Variants in CAPZA1 observed in about 807,000 individuals in gnomAD.
The protein encoded by CAPZA1 is capping actin protein of muscle Z-line subunit alpha 1.
A neutral mutation model predicts 40.8 loss-of-function variants in CAPZA1; 10 were observed. The ratio of observed to expected loss-of-function variants is 0.25; its 90% CI spans 0.15 to 0.42. The LOEUF (loss-of-function observed/expected upper bound fraction) is 0.42. Ranked by LOEUF, CAPZA1 falls within the 10% of genes least tolerant of loss-of-function variation. The pLI, the probability that CAPZA1 is intolerant of heterozygous loss-of-function variation, is 1.00. For missense variants in CAPZA1, 277 were observed against 353.8 expected (o/e 0.78, Z 1.74); for synonymous variants, 98 against 115.0 (o/e 0.85, Z 0.95).
chr1:112,642,059 GTAA>G (rs1671178995), intron 1 of CAPZA1, among the ~76,000 whole-genome samples: 1 of 151,856 alleles, frequency 6.6e-6, no homozygotes, highest in African/African-American at 2.4e-5. Context: ...TGCAAGTCTT[GTAA>G]ACTCCTGCGT....
intron 1 of CAPZA1, among the ~76,000 whole-genome samples, chr1:112,635,969 C>T (rs1434163635): frequency 6.6e-6 from 1 of 152,142 alleles, no homozygotes; most frequent in Non-Finnish European, 1.5e-5. Context: ...GCGGAGGTTG[C>T]AGTGAGCTGA....
chr1:112,632,122 T>C (rs1322827691), intron 1 of CAPZA1, among the ~76,000 whole-genome samples: 4 of 152,104 alleles, frequency 2.6e-5, no homozygotes, highest in African/African-American at 9.7e-5. Context: ...CTGGCCAACA[T>C]GGTGAAACCC....
intron 5 of CAPZA1, among the ~76,000 whole-genome samples, chr1:112,658,719 CT>C (rs1557736392): frequency 2.0e-5 from 3 of 152,156 alleles, no homozygotes; most frequent in African/African-American, 7.2e-5. Context: ...CCTGTCTTGC[CT>C]TTATTTTCAG....
At chr1:112,621,050 G>A (rs897986377) in intron 1 of CAPZA1, among the ~76,000 whole-genome samples, 5 of 152,156 alleles carry the variant, frequency 3.3e-5, no homozygotes, top group African/African-American at 4.8e-5. Context: ...TCCTCTGTAC[G>A]GAATAACTTG....
chr1:112,634,667 C>T (rs1410143762), intron 1 of CAPZA1: 6 of 152,086 alleles, frequency 3.9e-5, no homozygotes, highest in Non-Finnish European at 7.4e-5. Context: ...AAGATTTGAC[C>T]ATATATTGTC....
chr1:112,634,788 A>G (rs747959229), intron 1 of CAPZA1: 2 of 152,218 alleles, frequency 1.3e-5, no homozygotes, highest in Non-Finnish European at 2.9e-5. Flanking sequence ...ACAACTCCCA[A>G]CAATTTTTAA....
intron 5 of CAPZA1, among the ~76,000 whole-genome samples, chr1:112,655,201 T>C (rs1244028386): frequency 6.6e-6 from 1 of 152,202 alleles, no homozygotes; most frequent in Non-Finnish European, 1.5e-5. Flanking sequence ...AACAATTGGC[T>C]GGACATGGTG....
rs199782772 is a variant in CAPZA1, at chr1:112,670,366, T to TC, written c.*234_*235insC. On this transcript the variant is annotated 3_prime_UTR_variant, in exon 10 of 10. Transcript: ENST00000263168. ...TCTACGTGTAAATCTTTTTTTCTTT[T>TC]TTTTTTTTTTTTTTTGGTTAATTCT... 5.9e-4 allele frequency: 228 copies of TC among 385,878 alleles called. No individual in the cohort carries two copies. The highest frequency in any genetic ancestry group is 5.8e-3 in the East Asian group (118 of 20,448). The allele number at this position is 385,878 out of a possible 1,614,324, so 23.9% of individuals were successfully genotyped here.
chr1:112,668,277 AAAAGAAAG>A (rs959720768), intron 8 of CAPZA1, among the ~76,000 whole-genome samples: 2 of 152,280 alleles, frequency 1.3e-5, no homozygotes, highest in South Asian at 4.1e-4. Context: ...CCCTGTCTCA[AAAAGAAAG>A]AAAGAAAGAA....
rs375996648 is a variant in CAPZA1, at chr1:112,671,309, A to G, written c.*1177A>G. ...TATGACAACTGGTAATGGTGGATTCATTTACATTGTTTACACTTCTATGAC... is the reference window on the plus strand; with the variant it reads ...TATGACAACTGGTAATGGTGGATTCGTTTACATTGTTTACACTTCTATGAC... On this transcript the variant is annotated 3_prime_UTR_variant, in exon 10 of 10. Transcript: ENST00000263168. 13 of 152,742 alleles carry G rather than the reference A, an allele frequency of 8.5e-5. No individual in the cohort carries two copies. Among genetic ancestry groups the G allele is most frequent in the African/African-American group, 3.1e-4 (13 of 41,568 alleles). 9.5% of individuals were successfully genotyped at this position (152,742 alleles called of 1,614,324 possible).
chr1:112,638,852 G>A (rs967667136), intron 1 of CAPZA1, among the ~76,000 whole-genome samples: 7 of 149,574 alleles, frequency 4.7e-5, no homozygotes, highest in African/African-American at 7.5e-5. Flanking sequence ...GCAGTGAGCC[G>A]AGATCATGCC....
At chr1:112,641,449 A>T (rs1220504713) in intron 1 of CAPZA1, among the ~76,000 whole-genome samples, 3 of 152,212 alleles carry the variant, frequency 2.0e-5, no homozygotes, top group Non-Finnish European at 2.9e-5. Flanking sequence ...TTTTCATTCA[A>T]CAGCACATTA....
chr1:112,639,832 T>C (rs1671098788), intron 1 of CAPZA1, among the ~76,000 whole-genome samples: 1 of 132,862 alleles, frequency 7.5e-6, no homozygotes, highest in Admixed American at 7.5e-5. Context: ...GGAGCCCCTC[T>C]GCCCGGCCAG....
chr1:112,644,155 G>T (rs190435990), intron 1 of CAPZA1, among the ~76,000 whole-genome samples: 7 of 90,356 alleles, frequency 7.7e-5, no homozygotes, highest in South Asian at 4.3e-4. Context: ...CAAATTGCTG[G>T]GTTTTTTTTT....
At chr1:112,628,060 T>C (rs1249894905) in intron 1 of CAPZA1, among the ~76,000 whole-genome samples, 1 of 152,160 alleles carries the variant, frequency 6.6e-6, no homozygotes, top group Non-Finnish European at 1.5e-5. Flanking sequence ...AAAACATGGC[T>C]CTAGAAATTT....
intron 1 of CAPZA1, among the ~76,000 whole-genome samples, chr1:112,642,180 G>A (rs1311779371): frequency 7.3e-6 from 1 of 137,136 alleles, no homozygotes; most frequent in East Asian, 2.4e-4. Context: ...AAACATCACA[G>A]CCTCTGAAGA....
rs1570716414 is a variant in CAPZA1 at position 112,649,696 on chromosome 1, A to G, written c.155+227A>G. 4 of 533,486 alleles carry G rather than the reference A, an allele frequency of 7.5e-6. No individual in the cohort carries two copies. In the East Asian group the frequency reaches 1.3e-4, roughly 17 times the overall value. 33.0% of individuals were successfully genotyped at this position (533,486 alleles called of 1,614,324 possible). On this transcript the variant is annotated intron_variant, in intron 3 of 9. Transcript: ENST00000263168. The stretch of plus-strand genomic sequence containing the variant: ...TGAACTAGTTTTTATTTCTGCCCAC[A>G]TTTGCCCGATTAAAGCAGAGTTTAA...
At chr1:112,649,678 G>T in intron 3 of CAPZA1, 2 of 537,262 alleles carry the variant, frequency 3.7e-6, no homozygotes, top group Admixed American at 3.8e-5. Context: ...ATATGAACTA[G>T]TTTTTATTTC....
At chr1:112,645,650 CA>C (rs1392834163) in intron 1 of CAPZA1, among the ~76,000 whole-genome samples, 2 of 131,516 alleles carry the variant, frequency 1.5e-5, no homozygotes, top group African/African-American at 5.7e-5. Context: ...AAAATAACTA[CA>C]AAAATTAAAT....
Sources: gnomAD v4.1 joint callset for allele counts (sites outside exome capture counted in the v4.1 genomes callset) on GRCh38, gnomAD v4.1.1 for gene constraint, MANE v1.5 for transcripts, NCBI Gene and HGNC (gene_info 2026-07-23, HGNC 2026-07-21) for gene names.